The following CCNF variants were observed in gnomAD, a reference collection of about 807,000 sequenced individuals.
CCNF encodes the protein cyclin-F.
Under a neutral mutation model 85.4 loss-of-function variants are expected in CCNF, and 30 were observed. The observed-to-expected ratio is 0.35, with a 90% CI of 0.26 to 0.48. The LOEUF (loss-of-function observed/expected upper bound fraction) is 0.48, where lower values mean the gene tolerates loss of function less well. CCNF is among the 20% of genes least tolerant of loss of function. The pLI, the probability that CCNF is intolerant of heterozygous loss-of-function variation, is 0.99. For synonymous variants in CCNF, 439 were observed against 425.1 expected, an observed-to-expected ratio of 1.03 and a Z score of -0.40; for missense variants, 919 against 1,010.4, an observed-to-expected ratio of 0.91 and a Z score of 1.23.
At position 2,452,237 on chromosome 16, in the gene CCNF, C is replaced by A. The variant is rs1210092656; in HGVS notation, c.1488-973C>A. On this transcript the variant is annotated intron_variant, in intron 13 of 16. Coordinates refer to ENST00000397066, the MANE Select transcript of CCNF (RefSeq NM_001761.3). The surrounding 1 kb of genome is among the most constrained non-coding windows in gnomAD (Gnocchi z 4.1). Reference sequence around the variant, plus strand: ...TGGGGGTCTCGATGCCCTTGAGCAGCCCCTTCTGTGGCCCATCTGCTTTTT... The same window carrying A: ...TGGGGGTCTCGATGCCCTTGAGCAGACCCTTCTGTGGCCCATCTGCTTTTT... Among the ~76,000 whole-genome samples, 1 of 152,202 alleles carries A rather than the reference C, an allele frequency of 6.6e-6. No individual in the cohort carries two copies. The highest frequency in any genetic ancestry group is 1.5e-5 in the Non-Finnish European group (1 of 68,032).
intron 10 of CCNF, among the ~76,000 whole-genome samples, chr16:2,448,291 G>C (rs548140127): frequency 6.6e-6 from 1 of 152,324 alleles, no homozygotes; most frequent in South Asian, 2.1e-4. Context: ...GAATGCTCAG[G>C]GCACTTGGGC....
chr16:2,435,743 T>A, intron 3 of CCNF, 63 bp from the exon 4 acceptor site: 1 of 1,099,934 alleles, frequency 9.1e-7, no homozygotes, highest in Non-Finnish European at 1.4e-6. Flanking sequence ...CTTCAAGTGC[T>A]GTAGTAGTTC....
In CCNF at chr16:2,456,708, C is replaced by A; in HGVS notation, c.2049C>A (p.Pro683=). Residue 683 remains proline (P), a synonymous_variant, in exon 17 of 17, where the codon CCC becomes CCA. Transcript: ENST00000397066. The surrounding 1 kb of genome is among the most constrained non-coding windows in gnomAD (Gnocchi z 4.5). ...CCCAGATCCCTGCAACCCCTGGACC[C>A]AAACCCCTGGTCCGCACCAGCCGGG... is the stretch of plus-strand genomic sequence containing the variant. ...LDTQIPATPG[P]KPLVRTSREP... 1 of 1,613,162 alleles carries A rather than the reference C, an allele frequency of 6.2e-7. No individual in the cohort carries two copies. Among genetic ancestry groups the A allele is most frequent in the Non-Finnish European group, 8.5e-7 (1 of 1,179,654 alleles).
At chr16:2,438,505 G>A (rs1253672828) in intron 6 of CCNF, among the ~76,000 whole-genome samples, 2 of 152,058 alleles carry the variant, frequency 1.3e-5, no homozygotes, top group East Asian at 1.9e-4. Context: ...GCTGGGCGTG[G>A]TGGCGGGTGC....
intron 10 of CCNF, among the ~76,000 whole-genome samples, chr16:2,447,753 C>CA (rs113578655): frequency 4.4e-4 from 62 of 142,472 alleles, no homozygotes; most frequent in African/African-American, 6.4e-4. Flanking sequence ...AACTCTGTCT[C>CA]AAAAAAAAAA....
At chr16:2,454,289 C>T (rs2065412085) in intron 15 of CCNF, among the ~76,000 whole-genome samples, 1 of 152,208 alleles carries the variant, frequency 6.6e-6, no homozygotes, top group Admixed American at 6.5e-5. Flanking sequence ...TGCTTCCTCC[C>T]CAAGAAGCGT....
chr16:2,434,339 G>T (rs1405396297), intron 3 of CCNF, among the ~76,000 whole-genome samples: 4 of 151,886 alleles, frequency 2.6e-5, no homozygotes, highest in Non-Finnish European at 5.9e-5. Flanking sequence ...ATATGGCTGG[G>T]CACAGTGGCT....
intron 8 of CCNF, among the ~76,000 whole-genome samples, chr16:2,441,183 G>A (rs560364056): frequency 1.3e-5 from 2 of 152,024 alleles, no homozygotes; most frequent in Non-Finnish European, 2.9e-5. Flanking sequence ...GCAGTGAGCC[G>A]AGATTGTGCC....
In CCNF at chr16:2,451,009, C is replaced by G. The variant is rs965132208; in HGVS notation, c.1487+1094C>G. Among the ~76,000 whole-genome samples, 1 of 152,254 alleles carries G rather than the reference C, an allele frequency of 6.6e-6. No individual in the cohort carries two copies. The highest frequency in any genetic ancestry group is 1.5e-5 in the Non-Finnish European group (1 of 68,044). On this transcript the variant is annotated intron_variant, in intron 13 of 16. Transcript: ENST00000397066. The surrounding 1 kb of genome is among the most constrained non-coding windows in gnomAD (Gnocchi z 4.3). ...TGCCCCAGCCCCACTGGGCTTCCCT[C>G]CACCTGCCCCGGCCCCTCCGCCCTT...
rs2065436945 is a variant in CCNF at position 2,457,595 on chromosome 16, C to G, written c.*575C>G. On this transcript the variant is annotated 3_prime_UTR_variant, in exon 17 of 17. Transcript: ENST00000397066. Reference sequence around the variant, plus strand: ...CTGCACACTGCGAGGACTGCCTTGGCCACAGGCCCACTCCCTACGACACGT... The same window carrying G: ...CTGCACACTGCGAGGACTGCCTTGGGCACAGGCCCACTCCCTACGACACGT... 6.5e-6 allele frequency: 1 copy of G among 153,022 alleles called. No homozygotes were observed. Among genetic ancestry groups the G allele is most frequent in the Non-Finnish European group, 1.5e-5 (1 of 68,602 alleles). 9.5% of individuals were successfully genotyped at this position (153,022 alleles called of 1,614,324 possible). A position where few individuals can be genotyped will look rare whatever the true frequency, so the allele number is the denominator to read the frequency against.
At chr16:2,439,703 T>G in intron 7 of CCNF, 46 bp from the exon 8 acceptor site, 2 of 1,527,096 alleles carry the variant, frequency 1.3e-6, no homozygotes, top group Non-Finnish European at 1.8e-6. Context: ...TCTGAGTTCC[T>G]CCCAAGACAC....
rs149898676 is a variant in CCNF at position 2,434,606 on chromosome 16, G to A, written c.279-1200G>A. The stretch of plus-strand genomic sequence containing the variant: ...AGCCTGAGCAACAGAGCGAGACTCC[G>A]TCTCAAAATAAATAAATAAGTAAAT... On this transcript the variant is annotated intron_variant, in intron 3 of 16. Transcript: ENST00000397066. Among the ~76,000 whole-genome samples, 627 of 152,312 alleles carry A rather than the reference G, an allele frequency of 4.1e-3. 22 individuals carry two copies. The East Asian group carries it at 0.086, about 21-fold the overall frequency.
At position 2,449,290 on chromosome 16, in the gene CCNF, T is replaced by C; in HGVS notation, c.1227T>C (p.Thr409=). The change falls in exon 12 of 17, where the codon ACT becomes ACC. Residue 409 remains threonine (T), a synonymous_variant. Coordinates refer to ENST00000397066, the MANE Select transcript of CCNF (RefSeq NM_001761.3). ...SALEGKIRVP[T]VVDYKEVLLT... Reference sequence around the variant, plus strand: ...CCGTCCCGGCTGTCTAGGTCCCCACTGTGGTGGATTACAAGGAGGTCCTGC... The same window carrying C: ...CCGTCCCGGCTGTCTAGGTCCCCACCGTGGTGGATTACAAGGAGGTCCTGC... 6.2e-7 allele frequency: 1 copy of C among 1,613,778 alleles called. No homozygotes were observed. The highest frequency in any genetic ancestry group is 8.5e-7 in the Non-Finnish European group (1 of 1,179,866).
rs1258644472 is a variant in CCNF, at chr16:2,445,306, G to A, written c.930-152G>A. 2.9e-5 allele frequency: 25 copies of A among 852,328 alleles called. No homozygotes were observed. The East Asian group carries it at 6.3e-4, about 21-fold the overall frequency. The allele number at this position is 852,328 out of a possible 1,614,324, so 52.8% of individuals were successfully genotyped here. On this transcript the variant is annotated intron_variant, in intron 9 of 16. Coordinates refer to ENST00000397066, the MANE Select transcript of CCNF (RefSeq NM_001761.3). ...CCACGGAGCCTCCCGGGCTTCCTGTGACATGGCCTCTCCAGCCTTGGTTCC... is the reference window on the plus strand; with the variant it reads ...CCACGGAGCCTCCCGGGCTTCCTGTAACATGGCCTCTCCAGCCTTGGTTCC...
At chr16:2,441,105 G>A (rs564030415) in intron 8 of CCNF, among the ~76,000 whole-genome samples, 34 of 152,180 alleles carry the variant, frequency 2.2e-4, no homozygotes, top group African/African-American at 7.5e-4. Flanking sequence ...CTGGTGGCAT[G>A]TGCCTAGAGT....
rs1328532914 is a variant in CCNF, at chr16:2,442,633, TATATA to T, written c.778-1006_778-1002del. Among the ~76,000 whole-genome samples the T allele has an allele frequency of 3.0e-4, 2 of 6,612 alleles. 1 individual carries two copies. The highest frequency in any genetic ancestry group is 3.8e-4 in the Non-Finnish European group (2 of 5,290). 4.3% of individuals were successfully genotyped at this position (6,612 alleles called of 152,430 possible). A position where few individuals can be genotyped will look rare whatever the true frequency, so the allele number is the denominator to read the frequency against. On this transcript the variant is annotated intron_variant, in intron 8 of 16. Coordinates refer to ENST00000397066, the MANE Select transcript of CCNF (RefSeq NM_001761.3). ...TAATATTATATATAATATATAATAT[TATATA>T]ATATAATATTATTATATATAATATA...
chr16:2,458,113 C>A lies in CCNF; in HGVS notation c.*1093C>A, dbSNP rs1245847380. ...GGAGCCTGGGAGCCAGCAGCCCACG[C>A]CTGGGGAGCCTGCCTGGGGCCATGT... On this transcript the variant is annotated 3_prime_UTR_variant, in exon 17 of 17. Coordinates refer to ENST00000397066, the MANE Select transcript of CCNF (RefSeq NM_001761.3). The A allele has an allele frequency of 6.6e-6, 1 of 152,198 alleles. No homozygotes were observed. Among genetic ancestry groups the A allele is most frequent in the Non-Finnish European group, 1.5e-5 (1 of 68,054 alleles). 9.4% of individuals were successfully genotyped at this position (152,198 alleles called of 1,614,324 possible). A position where few individuals can be genotyped will look rare whatever the true frequency, so the allele number is the denominator to read the frequency against.
rs574271713 is a variant in CCNF at position 2,457,580 on chromosome 16, C to T, written c.*560C>T. On this transcript the variant is annotated 3_prime_UTR_variant, in exon 17 of 17. Transcript: ENST00000397066. ...AGGGGGCCTGCGTCCCTGCACACTG[C>T]GAGGACTGCCTTGGCCACAGGCCCA... 1.0e-4 allele frequency: 16 copies of T among 153,660 alleles called. No homozygotes were observed. The highest frequency in any genetic ancestry group is 3.1e-4 in the African/African-American group (13 of 41,582). The allele number at this position is 153,660 out of a possible 1,614,324, so 9.5% of individuals were successfully genotyped here.
rs71148135 is a variant in CCNF, at chr16:2,435,666, CATATATATATATATATATATATATAT to C, written c.279-127_279-102del. ...ACACATATATATATGCACACACACA[CATATATATATATATATATATATATAT>C]ATATATATATATTCAATTCAGGGAA... On this transcript the variant is annotated intron_variant, in intron 3 of 16. Coordinates refer to ENST00000397066, the MANE Select transcript of CCNF (RefSeq NM_001761.3). 2.3e-4 allele frequency: 10 copies of C among 42,718 alleles called. 3 individuals carry two copies. The highest frequency in any genetic ancestry group is 1.5e-3 in the Admixed American group (6 of 3,916). 2.6% of individuals were successfully genotyped at this position (42,718 alleles called of 1,614,324 possible).
Sources: allele counts gnomAD v4.1 joint callset (sites outside exome capture counted in the v4.1 genomes callset), GRCh38; gene constraint gnomAD v4.1.1; non-coding constraint Gnocchi (gnomAD v3.1); transcripts MANE v1.5; gene names NCBI Gene and HGNC (gene_info 2026-07-23, HGNC 2026-07-21).